NKAIN2: variants seen among roughly 807,000 people sequenced by gnomAD.
NKAIN2 encodes the protein sodium/potassium-transporting ATPase subunit beta-1-interacting protein 2.
NKAIN2 carries 14 observed loss-of-function variants against 32.6 expected under a neutral mutation model. That is an observed-to-expected ratio of 0.43 (90% CI 0.28 to 0.67). The LOEUF is 0.67. Ranked by LOEUF, NKAIN2 falls within the 30% of genes least tolerant of loss-of-function variation. The probability of loss-of-function intolerance (pLI) is 0.17; values close to 1 mark genes in which losing one functional copy is unlikely to be tolerated. For missense variants in NKAIN2, 198 were observed against 258.3 expected (o/e 0.77, Z 1.60); for synonymous variants, 80 against 87.2 (o/e 0.92, Z 0.46).
At chr6:124,169,713 T>A (rs961172412) in intron 1 of NKAIN2, among the ~76,000 whole-genome samples, 4 of 152,118 alleles carry the variant, frequency 2.6e-5, no homozygotes, top group African/African-American at 9.7e-5. Context: ...GCACTTTGAA[T>A]GGAAAATCTT....
intron 1 of NKAIN2, among the ~76,000 whole-genome samples, chr6:123,942,128 C>G (rs915721509): frequency 2.0e-5 from 3 of 151,802 alleles, no homozygotes; most frequent in Admixed American, 6.6e-5. Context: ...GAACAGTTGT[C>G]CCAATGGTTT....
At chr6:124,402,994 C>A (rs1212756518) in intron 3 of NKAIN2, among the ~76,000 whole-genome samples, 1 of 152,158 alleles carries the variant, frequency 6.6e-6, no homozygotes, top group Non-Finnish European at 1.5e-5. Flanking sequence ...CTTGACTCTT[C>A]TTGGTCCTTG....
chr6:124,676,956 T>A (rs565129766), intron 4 of NKAIN2, among the ~76,000 whole-genome samples: 4 of 152,204 alleles, frequency 2.6e-5, no homozygotes, highest in Non-Finnish European at 5.9e-5. Flanking sequence ...TGGGGTTTGT[T>A]GTTGTTGTCG....
chr6:124,629,200 T>C (rs1234880387), intron 3 of NKAIN2, among the ~76,000 whole-genome samples: 4 of 152,204 alleles, frequency 2.6e-5, no homozygotes, highest in Non-Finnish European at 4.4e-5. Flanking sequence ...CCCTCATCTA[T>C]TGAGTCTAAG....
rs564930647 is a variant in NKAIN2 at position 124,264,682 on chromosome 6, A to T, written c.55-18323A>T. On this transcript the variant is annotated intron_variant, in intron 1 of 6. Transcript: ENST00000368417. ...AGATTGGACCCCCAGTGGGGAAAGG[A>T]TGCTGAATAGCAGCTACCATAGCCT... 1.6e-4 allele frequency among the ~76,000 whole-genome samples: 24 copies of T among 152,314 alleles called. No individual in the cohort carries two copies. The South Asian group carries it at 5.0e-3, about 32-fold the overall frequency.
At chr6:124,343,045 T>C (rs1798214267) in intron 2 of NKAIN2, among the ~76,000 whole-genome samples, 2 of 144,612 alleles carry the variant, frequency 1.4e-5, no homozygotes, top group African/African-American at 5.1e-5. Flanking sequence ...TGTGTTCTCA[T>C]TGTTCAATTC....
intron 1 of NKAIN2, among the ~76,000 whole-genome samples, chr6:124,231,335 A>G (rs1260073124): frequency 6.6e-6 from 1 of 152,186 alleles, no homozygotes; most frequent in African/African-American, 2.4e-5. Context: ...TCCTTGTCTC[A>G]GATAAGACTT....
At chr6:124,065,404 C>G (rs1783119272) in intron 1 of NKAIN2, among the ~76,000 whole-genome samples, 1 of 152,232 alleles carries the variant, frequency 6.6e-6, no homozygotes, top group African/African-American at 2.4e-5. Flanking sequence ...CCCCAAAATT[C>G]ATATGTTGAA....
intron 3 of NKAIN2, among the ~76,000 whole-genome samples, chr6:124,400,199 A>C (rs1773565787): frequency 6.6e-6 from 1 of 152,190 alleles, no homozygotes; most frequent in Admixed American, 6.5e-5. Flanking sequence ...TGCCTGGGCC[A>C]CACCCCAAGA....
At chr6:124,080,758 A>T (rs1562346625) in intron 1 of NKAIN2, among the ~76,000 whole-genome samples, 1 of 152,092 alleles carries the variant, frequency 6.6e-6, no homozygotes, top group Non-Finnish European at 1.5e-5. Context: ...CAAGATCTTT[A>T]TAGAAGGCCT....
At chr6:124,385,089 T>G (rs749355739) in intron 3 of NKAIN2, among the ~76,000 whole-genome samples, 17 of 152,166 alleles carry the variant, frequency 1.1e-4, no homozygotes, top group Non-Finnish European at 2.4e-4. Flanking sequence ...AGAAAATAGC[T>G]GCAGAAAAAT....
At chr6:124,567,268 T>TAATAGCACACA (rs1477950852) in intron 3 of NKAIN2, among the ~76,000 whole-genome samples, 1 of 152,206 alleles carries the variant, frequency 6.6e-6, no homozygotes, top group Non-Finnish European at 1.5e-5. Context: ...ACAGGACGCA[T>TAATAGCACACA]GACTATTATT....
At chr6:123,906,950 T>C (rs529719216) in intron 1 of NKAIN2, among the ~76,000 whole-genome samples, 2 of 152,330 alleles carry the variant, frequency 1.3e-5, no homozygotes, top group African/African-American at 4.8e-5. Context: ...TTCAAATGAC[T>C]CAAAGACAAG....
At chr6:124,251,161 T>C (rs1217350779) in intron 1 of NKAIN2, among the ~76,000 whole-genome samples, 1 of 152,022 alleles carries the variant, frequency 6.6e-6, no homozygotes, top group African/African-American at 2.4e-5. Flanking sequence ...AAAGCAAGTT[T>C]GTAGAAATAA....
chr6:124,687,573 T>TATACATACATGGTATATATTCC (rs1554251725), intron 4 of NKAIN2, among the ~76,000 whole-genome samples: 14 of 2,594 alleles, frequency 5.4e-3, no homozygotes, highest in Admixed American at 0.016. Flanking sequence ...GTATATATAA[T>TATACATACATGGTATATATTCC]ATATATTTAT....
At chr6:123,892,875 C>T (rs1350189240) in intron 1 of NKAIN2, among the ~76,000 whole-genome samples, 3 of 151,288 alleles carry the variant, frequency 2.0e-5, no homozygotes, top group Admixed American at 1.3e-4. Flanking sequence ...ATGCCATATA[C>T]CTCAAATTTC....
intron 4 of NKAIN2, among the ~76,000 whole-genome samples, chr6:124,717,033 C>G (rs1775789729): frequency 6.6e-6 from 1 of 152,128 alleles, no homozygotes; most frequent in African/African-American, 2.4e-5. Flanking sequence ...AGCAAATGTT[C>G]TTTTACAAAA....
chr6:123,816,146 A>T (rs930632586), intron 1 of NKAIN2, among the ~76,000 whole-genome samples: 6 of 152,108 alleles, frequency 3.9e-5, no homozygotes, highest in Admixed American at 3.9e-4. Flanking sequence ...AGAATGAAAG[A>T]GAATATATGT....
intron 1 of NKAIN2, among the ~76,000 whole-genome samples, chr6:124,241,809 T>C (rs112539504): frequency 0.081 from 12,376 of 152,170 alleles, 530 homozygotes; most frequent in Middle Eastern, 0.1. Context: ...TTAATATATT[T>C]TTTTTAAAAG....
Sources: gnomAD v4.1 joint callset for allele counts (sites outside exome capture counted in the v4.1 genomes callset) on GRCh38, gnomAD v4.1.1 for gene constraint, MANE v1.5 for transcripts, NCBI Gene and HGNC (gene_info 2026-07-23, HGNC 2026-07-21) for gene names.